The following STK4 variants were observed in gnomAD, a reference collection of about 807,000 sequenced individuals.
STK4 encodes the protein serine/threonine-protein kinase 4.
Under a neutral mutation model 64.9 loss-of-function variants are expected in STK4, and 30 were observed. The ratio of observed to expected loss-of-function variants is 0.46; its 90% CI spans 0.35 to 0.63. The LOEUF is 0.63. STK4 is among the 20% of genes least tolerant of loss of function. The pLI is 0.01. For synonymous variants in STK4, 177 were observed against 199.0 expected (o/e 0.89, Z 0.93); for missense variants, 466 against 598.5 (o/e 0.78, Z 2.31).
intron 10 of STK4, chr20:45,052,989 C>G: frequency 1.0e-6 from 1 of 957,612 alleles, no homozygotes; most frequent in Non-Finnish European, 1.6e-6. Context: ...TTTGTTTCAA[C>G]TTCTTATTTT....
At chr20:45,054,303 T>TC (rs1978316957) in intron 10 of STK4, among the ~76,000 whole-genome samples, 1 of 152,160 alleles carries the variant, frequency 6.6e-6, no homozygotes, top group Non-Finnish European at 1.5e-5. Context: ...GGGGCTCACA[T>TC]CTGTAATCCT....
intron 9 of STK4, among the ~76,000 whole-genome samples, chr20:45,024,407 T>C (rs2068307439): frequency 6.6e-6 from 1 of 152,062 alleles, no homozygotes; most frequent in African/African-American, 2.4e-5. Flanking sequence ...AAGCCATATG[T>C]AGATAGTATT....
intron 10 of STK4, among the ~76,000 whole-genome samples, chr20:45,039,830 T>A (rs1486791214): frequency 6.6e-6 from 1 of 152,162 alleles, no homozygotes; most frequent in African/African-American, 2.4e-5. Context: ...TGCCACTTTT[T>A]GGTTTCTACT....
chr20:45,073,277 A>G (rs73302409), intron 10 of STK4, among the ~76,000 whole-genome samples: 1 of 152,022 alleles, frequency 6.6e-6, no homozygotes, highest in South Asian at 2.1e-4. Context: ...TTTCAGCCCG[A>G]CTTTCCAGCA....
intron 10 of STK4, among the ~76,000 whole-genome samples, chr20:45,063,835 TCTCG>T (rs1979318034): frequency 6.7e-6 from 1 of 149,464 alleles, no homozygotes. Context: ...TGAGACGGAG[TCTCG>T]CTCTGTCACC....
chr20:45,069,806 TA>T (rs1979899100), intron 10 of STK4, among the ~76,000 whole-genome samples: 1 of 152,174 alleles, frequency 6.6e-6, no homozygotes, highest in Admixed American at 6.5e-5. Flanking sequence ...TTTAGCATAG[TA>T]AACAAGACAA....
Position 45,008,305 on chromosome 20 carries a change from AT to A in STK4, c.1147+6953del, listed in dbSNP as rs1253565821. ...CCTGACCTCAAATGATCCACCCGCC[AT>A]GGCCTCCCAAAGTGCTGGGATTACA... On this transcript the variant is annotated intron_variant, in intron 9 of 10. Coordinates refer to ENST00000372806, the MANE Select transcript of STK4 (RefSeq NM_006282.5). 8.5e-5 allele frequency among the ~76,000 whole-genome samples: 13 copies of A among 152,198 alleles called. No individual in the cohort carries two copies. The East Asian group carries it at 2.5e-3, about 29-fold the overall frequency.
At chr20:45,057,153 A>G (rs1177204670) in intron 10 of STK4, among the ~76,000 whole-genome samples, 2 of 152,212 alleles carry the variant, frequency 1.3e-5, no homozygotes, top group Non-Finnish European at 2.9e-5. Flanking sequence ...AAGGTCACAG[A>G]AAGACCACGT....
intron 4 of STK4, among the ~76,000 whole-genome samples, chr20:44,984,824 C>T (rs1293316202): frequency 6.6e-6 from 1 of 151,630 alleles, no homozygotes; most frequent in Non-Finnish European, 1.5e-5. Flanking sequence ...CTCTGTTGCC[C>T]AGGCTAGAGT....
intron 10 of STK4, among the ~76,000 whole-genome samples, chr20:45,027,347 T>C (rs1034054470): frequency 1.3e-5 from 2 of 150,936 alleles, no homozygotes; most frequent in African/African-American, 4.9e-5. Context: ...GGAGAATCGC[T>C]TGAACCCAGG....
chr20:45,077,015 C>T lies in STK4; in HGVS notation c.*1839C>T, dbSNP rs1489157291. 1 of 152,198 alleles carries T rather than the reference C, an allele frequency of 6.6e-6. No homozygotes were observed. The highest frequency in any genetic ancestry group is 1.9e-4 in the East Asian group (1 of 5,200). 9.4% of individuals were successfully genotyped at this position (152,198 alleles called of 1,614,324 possible). A position where few individuals can be genotyped will look rare whatever the true frequency, so the allele number is the denominator to read the frequency against. ...TGTTGAGCACCTATTATATATCAGG[C>T]ACTGAGCTGGGTAGGCTCTAAACTT... On this transcript the variant is annotated 3_prime_UTR_variant, in exon 11 of 11. Transcript: ENST00000372806.
At chr20:44,982,881 T>A (rs2067466517) in intron 4 of STK4, among the ~76,000 whole-genome samples, 1 of 148,472 alleles carries the variant, frequency 6.7e-6, no homozygotes, top group African/African-American at 2.6e-5. Context: ...AGAAAAGATA[T>A]AATAATGATA....
intron 1 of STK4, 37 bp downstream of exon 1, chr20:44,966,640 C>G: frequency 4.8e-6 from 6 of 1,263,072 alleles, no homozygotes; most frequent in Non-Finnish European, 6.0e-6. Flanking sequence ...GGCATGGGGT[C>G]AGGGGAAGAA....
intron 9 of STK4, among the ~76,000 whole-genome samples, chr20:45,014,246 G>A (rs906704188): frequency 6.6e-6 from 1 of 151,922 alleles, no homozygotes; most frequent in Non-Finnish European, 1.5e-5. Flanking sequence ...CCAGCATGGC[G>A]AAACCCCATC....
chr20:44,982,109 C>CTTT (rs11475406), intron 4 of STK4, among the ~76,000 whole-genome samples, 166 bp downstream of exon 4: 1 of 98,042 alleles, frequency 1.0e-5, no homozygotes. Flanking sequence ...AGTGTGACAG[C>CTTT]TTTTTTTTTT....
chr20:45,061,919 G>A (rs1467736901), intron 10 of STK4, among the ~76,000 whole-genome samples: 15 of 126,258 alleles, frequency 1.2e-4, no homozygotes, highest in Admixed American at 8.0e-4. Context: ...TCTGTCTGTC[G>A]CCCACGCTGG....
At chr20:44,996,144 A>G (rs2067725794) in intron 6 of STK4, among the ~76,000 whole-genome samples, 1 of 151,820 alleles carries the variant, frequency 6.6e-6, no homozygotes, top group East Asian at 1.9e-4. Context: ...TGAATTTGTA[A>G]GTTTTGGTTT....
chr20:45,056,223 G>T (rs1042618926), intron 10 of STK4, among the ~76,000 whole-genome samples: 1 of 152,130 alleles, frequency 6.6e-6, no homozygotes, highest in African/African-American at 2.4e-5. Flanking sequence ...ATATACAGTT[G>T]TATAAATACC....
rs758518676 is a variant in STK4, at chr20:44,995,268, G to A, written c.693+11G>A. Reference sequence around the variant, plus strand: ...ATCCATCCAATGAGGGTAAGAAAGTGGACAGAAAGCCAGTGGGGTGGTTAG... The same window carrying A: ...ATCCATCCAATGAGGGTAAGAAAGTAGACAGAAAGCCAGTGGGGTGGTTAG... On this transcript the variant is annotated intron_variant, in intron 6 of 10. Transcript: ENST00000372806. 11 of 1,604,096 alleles carry A rather than the reference G, an allele frequency of 6.9e-6. No individual in the cohort carries two copies. The Admixed American group carries it at 8.6e-5, about 12-fold the overall frequency.
Sources: allele counts gnomAD v4.1 joint callset (sites outside exome capture counted in the v4.1 genomes callset), GRCh38; gene constraint gnomAD v4.1.1; transcripts MANE v1.5; gene names NCBI Gene and HGNC (gene_info 2026-07-23, HGNC 2026-07-21).